EPM2A: variants seen among roughly 807,000 people sequenced by gnomAD.
The protein encoded by EPM2A is laforin.
EPM2A carries 21 observed loss-of-function variants against 26.5 expected under a neutral mutation model. The ratio of observed to expected loss-of-function variants is 0.79; its 90% confidence interval spans 0.56 to 1.14. The LOEUF (loss-of-function observed/expected upper bound fraction) is 1.14. EPM2A is among the 50% of genes most tolerant of loss of function. The pLI is 0.00. For missense variants in EPM2A, 458 were observed against 440.8 expected, an observed-to-expected ratio of 1.04 and a Z score of -0.35; for synonymous variants, 217 against 177.6, an observed-to-expected ratio of 1.22 and a Z score of -1.76.
chr6:145,410,171 C>T (rs529869024), intron 4 of EPM2A, among the ~76,000 whole-genome samples: 20 of 152,224 alleles, frequency 1.3e-4, no homozygotes, highest in African/African-American at 4.8e-4. Context: ...GTTGCAAGAG[C>T]TAAATCAATG....
intron 1 of EPM2A, among the ~76,000 whole-genome samples, chr6:145,722,299 T>C (rs767029549): frequency 6.6e-6 from 1 of 152,192 alleles, no homozygotes; most frequent in South Asian, 2.1e-4. Flanking sequence ...AATATTTATT[T>C]TGGAAAAGAA....
intron 2 of EPM2A, among the ~76,000 whole-genome samples, chr6:145,661,125 G>C (rs1449864568): frequency 1.3e-5 from 2 of 152,092 alleles, no homozygotes; most frequent in Non-Finnish European, 2.9e-5. Context: ...AATCAAAACA[G>C]TGGTAGAGAA....
intron 4 of EPM2A, among the ~76,000 whole-genome samples, chr6:145,393,342 C>T (rs1191615575): frequency 6.6e-6 from 1 of 151,900 alleles, no homozygotes; most frequent in African/African-American, 2.4e-5. Flanking sequence ...AAAGACACAG[C>T]AGAGCCTGAC....
intron 2 of EPM2A, among the ~76,000 whole-genome samples, chr6:145,511,043 G>A (rs1000161553): frequency 6.6e-6 from 1 of 152,054 alleles, no homozygotes; most frequent in Non-Finnish European, 1.5e-5. Flanking sequence ...ATTGAACCAG[G>A]AAGAAATAGA....
intron 2 of EPM2A, among the ~76,000 whole-genome samples, chr6:145,643,172 C>T (rs1777212668): frequency 6.6e-6 from 1 of 152,162 alleles, no homozygotes; most frequent in African/African-American, 2.4e-5. Context: ...TTAAACATGA[C>T]CCCAAGGTTA....
At chr6:145,409,210 A>G (rs1778610318) in intron 4 of EPM2A, among the ~76,000 whole-genome samples, 1 of 152,166 alleles carries the variant, frequency 6.6e-6, no homozygotes, top group Non-Finnish European at 1.5e-5. Context: ...CTGTAGAGCA[A>G]CTTATGGTTT....
At chr6:145,720,030 A>G (rs369873815) in intron 1 of EPM2A, among the ~76,000 whole-genome samples, 1 of 152,180 alleles carries the variant, frequency 6.6e-6, no homozygotes, top group African/African-American at 2.4e-5. Context: ...CATTTGGATC[A>G]TATCTCTCAA....
intron 1 of EPM2A, among the ~76,000 whole-genome samples, chr6:145,717,461 C>A (rs1168380222): frequency 6.6e-6 from 1 of 152,070 alleles, no homozygotes; most frequent in Non-Finnish European, 1.5e-5. Context: ...ATTGATGGGA[C>A]GTATCTCAAA....
chr6:145,448,051 G>A (rs2114706407), intron 4 of EPM2A, among the ~76,000 whole-genome samples: 1 of 152,112 alleles, frequency 6.6e-6, no homozygotes. Context: ...GTCAATTACT[G>A]CCTAATTCTT....
intron 1 of EPM2A, among the ~76,000 whole-genome samples, chr6:145,692,702 A>G (rs1474756919): frequency 1.3e-5 from 2 of 151,796 alleles, no homozygotes; most frequent in African/African-American, 2.4e-5. Flanking sequence ...ATTTTTGTTA[A>G]CTTTGTCAAA....
rs200635921 is a variant in EPM2A at position 145,664,508 on chromosome 6, T to C, written c.476+21614A>G. Among the ~76,000 whole-genome samples, 271 of 142,746 alleles carry C rather than the reference T, an allele frequency of 1.9e-3. No homozygotes were observed. The East Asian group carries it at 0.03, about 16-fold the overall frequency. The allele number at this position is 142,746 out of a possible 152,430, so 93.6% of individuals were successfully genotyped here. The stretch of plus-strand genomic sequence containing the variant: ...CCCAATACAGGAGCACCCAGATTCA[T>C]AAAGCAAGTCCTGAGTGACCTACAA... On this transcript the variant is annotated intron_variant, in intron 2 of 3. Transcript: ENST00000367519.
chr6:145,490,710 A>G (rs1779743211), intron 4 of EPM2A: 2 of 573,504 alleles, frequency 3.5e-6, no homozygotes, highest in African/African-American at 1.9e-5. Flanking sequence ...ATTTAAATGA[A>G]CCATTACATT....
intron 2 of EPM2A, among the ~76,000 whole-genome samples, chr6:145,516,682 A>G (rs932705432): frequency 6.6e-6 from 1 of 152,186 alleles, no homozygotes; most frequent in African/African-American, 2.4e-5. Context: ...GGCCAGAGAA[A>G]TGAAAGCAAG....
downstream of EPM2A, among the ~76,000 whole-genome samples, chr6:145,501,122 C>A (rs1779883823): frequency 6.6e-6 from 1 of 152,170 alleles, no homozygotes; most frequent in South Asian, 2.1e-4. Flanking sequence ...AGGACTTTTA[C>A]ATTTTCACTC....
chr6:145,532,810 C>A (rs1276842083), intron 2 of EPM2A, among the ~76,000 whole-genome samples: 2 of 152,152 alleles, frequency 1.3e-5, no homozygotes, highest in Admixed American at 6.5e-5. Context: ...ATATTTTGCC[C>A]TACCTTGGCC....
intron 2 of EPM2A, among the ~76,000 whole-genome samples, chr6:145,681,911 G>T (rs1267598806): frequency 4.6e-5 from 7 of 152,036 alleles, no homozygotes; most frequent in African/African-American, 1.4e-4. Flanking sequence ...CATACCCCAT[G>T]TTCAGGCTAA....
intron 2 of EPM2A, among the ~76,000 whole-genome samples, chr6:145,588,302 T>C (rs1261517293): frequency 6.6e-6 from 1 of 152,192 alleles, no homozygotes; most frequent in Non-Finnish European, 1.5e-5. Flanking sequence ...TTAGATTTAC[T>C]TTAGAGGCCT....
chr6:145,534,610 T>C (rs1182150885), intron 2 of EPM2A, among the ~76,000 whole-genome samples: 1 of 152,244 alleles, frequency 6.6e-6, no homozygotes, highest in Non-Finnish European at 1.5e-5. Flanking sequence ...GGCCAGGTCC[T>C]CTGCAGCTGC....
intron 2 of EPM2A, among the ~76,000 whole-genome samples, chr6:145,534,530 C>G (rs1273727541): frequency 6.6e-6 from 1 of 152,184 alleles, no homozygotes; most frequent in Non-Finnish European, 1.5e-5. Context: ...AAAGCCTTTT[C>G]TAAGTTATGC....
Sources: gnomAD v4.1 joint callset for allele counts (sites outside exome capture counted in the v4.1 genomes callset) on GRCh38, gnomAD v4.1.1 for gene constraint, MANE v1.5 for transcripts, NCBI Gene and HGNC (gene_info 2026-07-23, HGNC 2026-07-21) for gene names.